Variants in NSD2 observed in about 807,000 individuals in gnomAD.
NSD2 encodes the protein histone-lysine N-methyltransferase NSD2.
In NSD2, 12 loss-of-function variants were observed where a neutral mutation model predicts 139.0. The ratio of observed to expected loss-of-function variants is 0.09; its 90% CI spans 0.06 to 0.14. The LOEUF (loss-of-function observed/expected upper bound fraction) is 0.14. Among genes scored for constraint, NSD2 ranks in the 10% least tolerant of loss-of-function variants. The probability of loss-of-function intolerance (pLI) is 1.00; values close to 1 mark genes in which losing one functional copy is unlikely to be tolerated. For synonymous variants in NSD2, 669 were observed against 648.7 expected, an observed-to-expected ratio of 1.03 and a Z score of -0.48; for missense variants, 1,155 against 1,745.0, an observed-to-expected ratio of 0.66 and a Z score of 6.02.
chr4:1,881,509 C>T (rs538413265), intron 1 of NSD2, among the ~76,000 whole-genome samples: 45 of 152,250 alleles, frequency 3.0e-4, no homozygotes, highest in African/African-American at 1.0e-3. Flanking sequence ...ATGATCCACC[C>T]GCCTCGGCCT....
At chr4:1,946,393 G>A (rs867119534) in intron 9 of NSD2, 73 of 432,720 alleles carry the variant, frequency 1.7e-4, no homozygotes, top group Non-Finnish European at 2.1e-4. Flanking sequence ...TCAGCCTCCC[G>A]AGTAGCTGGG....
intron 1 of NSD2, among the ~76,000 whole-genome samples, chr4:1,894,235 G>T (rs1360489561): frequency 3.9e-5 from 6 of 152,302 alleles, no homozygotes; most frequent in African/African-American, 1.4e-4. Flanking sequence ...GGGATTACAG[G>T]TGTGAGCCAC....
At chr4:1,915,971 T>A (rs906864914) in intron 3 of NSD2, among the ~76,000 whole-genome samples, 15 of 152,160 alleles carry the variant, frequency 9.9e-5, no homozygotes, top group Non-Finnish European at 1.9e-4. Context: ...TGGAATCTGG[T>A]ACCTCCTTTC....
intron 5 of NSD2, among the ~76,000 whole-genome samples, chr4:1,928,477 C>T (rs937095369): frequency 1.3e-5 from 2 of 152,160 alleles, no homozygotes; most frequent in Non-Finnish European, 2.9e-5. Flanking sequence ...AACTCGTAAC[C>T]ATCATACCAT....
At chr4:1,951,445 CACACACACA>C (rs1724227888) in intron 10 of NSD2, among the ~76,000 whole-genome samples, 3,362 of 99,592 alleles carry the variant, frequency 0.034, 767 homozygotes, top group East Asian at 0.05. Context: ...TCATGTAATA[CACACACACA>C]CACACACACA....
Position 1,958,090 on chromosome 4 carries a change from G to A in NSD2, c.2985+54G>A, listed in dbSNP as rs571382666. On this transcript the variant is annotated intron_variant, in intron 16 of 21. Coordinates refer to ENST00000508803, the MANE Select transcript of NSD2 (RefSeq NM_001042424.3). The surrounding 1 kb of genome is among the most constrained non-coding windows in gnomAD (Gnocchi z 4.6). The stretch of plus-strand genomic sequence containing the variant: ...GTGGAGGGAGTCTTCCCCGAGGGCC[G>A]TGAGAGGTTCTTAGGCACACCCAGG... 13 of 1,567,478 alleles carry A rather than the reference G, an allele frequency of 8.3e-6. No individual in the cohort carries two copies. Among genetic ancestry groups the A allele is most frequent in the East Asian group, 6.8e-5 (3 of 44,390 alleles).
intron 18 of NSD2, among the ~76,000 whole-genome samples, chr4:1,967,820 A>G (rs1726043687): frequency 6.6e-6 from 1 of 152,192 alleles, no homozygotes; most frequent in African/African-American, 2.4e-5. Context: ...GAGTTGGTCA[A>G]CAGGCAGCAG....
At chr4:1,934,879 ATATATAT>A (rs1446400182) in intron 6 of NSD2, among the ~76,000 whole-genome samples, 3 of 34,058 alleles carry the variant, frequency 8.8e-5, no homozygotes, top group African/African-American at 5.3e-4. Context: ...AAAAAAAAAA[ATATATAT>A]ATATATATAT....
rs1055161740 is a variant in NSD2 at position 1,929,899 on chromosome 4, C to A, written c.1411-727C>A. ...ACCTAAGCACCATAGGATTTCAAAC[C>A]CCCAGGTTATTACCAGGTGGAGCGA... On this transcript the variant is annotated intron_variant, in intron 5 of 21. Coordinates refer to ENST00000508803, the MANE Select transcript of NSD2 (RefSeq NM_001042424.3). 1.8e-4 allele frequency among the ~76,000 whole-genome samples: 27 copies of A among 152,034 alleles called. 1 individual carries two copies. The highest frequency in any genetic ancestry group is 5.8e-4 in the African/African-American group (24 of 41,382).
At chr4:1,923,832 G>A (rs1720495909) in intron 5 of NSD2, among the ~76,000 whole-genome samples, 1 of 152,220 alleles carries the variant, frequency 6.6e-6, no homozygotes, top group African/African-American at 2.4e-5. Flanking sequence ...ATCAATTAAA[G>A]TGAACTCATT....
intron 1 of NSD2, among the ~76,000 whole-genome samples, chr4:1,897,260 T>TC (rs1716478937): frequency 6.6e-6 from 1 of 151,674 alleles, no homozygotes; most frequent in Non-Finnish European, 1.5e-5. Context: ...GATGGGAAGA[T>TC]CCCTTGAGCC....
In NSD2 at chr4:1,897,035, A is replaced by T. The variant is rs569937654; in HGVS notation, c.-29-3591A>T. 5.9e-5 allele frequency among the ~76,000 whole-genome samples: 9 copies of T among 151,940 alleles called. No individual in the cohort carries two copies. In the South Asian group the frequency reaches 1.9e-3, roughly 32 times the overall value. ...ACAAAAATTAGCTGGGCATGGTGGC[A>T]AGTGCCTTGTAGTCCTCACAGCTGC... is the stretch of plus-strand genomic sequence containing the variant. On this transcript the variant is annotated intron_variant, in intron 1 of 21. Transcript: ENST00000508803.
At chr4:1,885,470 C>T (rs1486461364) in intron 1 of NSD2, among the ~76,000 whole-genome samples, 2 of 152,142 alleles carry the variant, frequency 1.3e-5, no homozygotes. Context: ...GTTGATAAAA[C>T]TTCTGATATG....
At chr4:1,886,040 A>G (rs1039808748) in intron 1 of NSD2, among the ~76,000 whole-genome samples, 5 of 152,084 alleles carry the variant, frequency 3.3e-5, no homozygotes, top group African/African-American at 9.7e-5. Context: ...GCTCTCACCA[A>G]CCAAAATGTT....
Position 1,958,087 on chromosome 4 carries a change from G to A in NSD2, c.2985+51G>A, listed in dbSNP as rs1245512867. ...CGTGTGGAGGGAGTCTTCCCCGAGG[G>A]CCGTGAGAGGTTCTTAGGCACACCC... On this transcript the variant is annotated intron_variant, in intron 16 of 21. Transcript: ENST00000508803. The surrounding 1 kb of genome is among the most constrained non-coding windows in gnomAD (Gnocchi z 4.6). The A allele has an allele frequency of 6.4e-7, 1 of 1,573,346 alleles. No homozygotes were observed. The highest frequency in any genetic ancestry group is 1.7e-5 in the Admixed American group (1 of 58,212).
intron 1 of NSD2, chr4:1,892,998 T>C (rs918824841): frequency 2.6e-5 from 4 of 152,152 alleles, no homozygotes; most frequent in African/African-American, 9.7e-5. Context: ...AGAAGAAAAA[T>C]ATTTATAAAC....
rs180779244 is a variant in NSD2, at chr4:1,921,473, A to G, written c.1410+2850A>G. Among the ~76,000 whole-genome samples the G allele has an allele frequency of 2.8e-4, 42 of 151,438 alleles. 1 individual carries two copies. Among genetic ancestry groups the G allele is most frequent in the Non-Finnish European group, 2.8e-4 (19 of 67,930 alleles). On this transcript the variant is annotated intron_variant, in intron 5 of 21. Transcript: ENST00000508803. ...ACTCCGTCTCAAATTAAAAAAAAAA[A>G]GCATTCTCTTTAAAATCATGAACGA...
intron 9 of NSD2, chr4:1,945,668 C>G (rs964585582): frequency 2.8e-6 from 3 of 1,063,746 alleles, no homozygotes; most frequent in Non-Finnish European, 1.1e-6. Flanking sequence ...ATAAGCATTT[C>G]CAAATGAGGG....
chr4:1,958,188 T>C lies in NSD2; in HGVS notation c.2985+152T>C. Reference sequence around the variant, plus strand: ...GCATGGATGGCCACACAAGAGACCATGAGCAAATGGCATGGGGGGATCTGC... The same window carrying C: ...GCATGGATGGCCACACAAGAGACCACGAGCAAATGGCATGGGGGGATCTGC... On this transcript the variant is annotated intron_variant, in intron 16 of 21. Coordinates refer to ENST00000508803, the MANE Select transcript of NSD2 (RefSeq NM_001042424.3). This position sits in a 1 kb window ranked among gnomAD's most constrained non-coding sequence, Gnocchi z 4.6. The C allele has an allele frequency of 1.4e-6, 1 of 730,240 alleles. No homozygotes were observed. The highest frequency in any genetic ancestry group is 2.3e-6 in the Non-Finnish European group (1 of 436,820). The allele number at this position is 730,240 out of a possible 1,614,324, so 45.2% of individuals were successfully genotyped here.
Sources: gnomAD v4.1 joint callset for allele counts (sites outside exome capture counted in the v4.1 genomes callset) on GRCh38, gnomAD v4.1.1 for gene constraint, Gnocchi (gnomAD v3.1) non-coding constraint, MANE v1.5 for transcripts, NCBI Gene and HGNC (gene_info 2026-07-23, HGNC 2026-07-21) for gene names.